RUNX2: variants seen among roughly 807,000 people sequenced by gnomAD.
The protein encoded by RUNX2 is RUNX family transcription factor 2.
A neutral mutation model predicts 51.7 loss-of-function variants in RUNX2; 10 were observed. The observed-to-expected ratio is 0.19, with a 90% CI of 0.12 to 0.33. RUNX2 has a LOEUF of 0.33. RUNX2 is among the 10% of genes least tolerant of loss of function. The pLI, the probability that RUNX2 is intolerant of heterozygous loss-of-function variation, is 1.00. For synonymous variants in RUNX2, 276 were observed against 273.6 expected (o/e 1.01, Z -0.09); for missense variants, 562 against 691.3 (o/e 0.81, Z 2.10).
chr6:45,535,803 C>T (rs930137814), intron 7 of RUNX2, among the ~76,000 whole-genome samples: 17 of 151,328 alleles, frequency 1.1e-4, no homozygotes, highest in Admixed American at 2.6e-4. Context: ...ATACTAAGGG[C>T]GGAGGGGCCA....
At chr6:45,498,414 C>T (rs1296258674) in intron 6 of RUNX2, among the ~76,000 whole-genome samples, 2 of 152,146 alleles carry the variant, frequency 1.3e-5, no homozygotes, top group African/African-American at 4.8e-5. Flanking sequence ...GGGCTTGTTG[C>T]CAACAATCTA....
rs191714440 is a variant in RUNX2 at position 45,490,325 on chromosome 6, T to C, written c.686-1616T>C. 2.6e-5 allele frequency among the ~76,000 whole-genome samples: 4 copies of C among 152,308 alleles called. No homozygotes were observed. The East Asian group carries it at 7.7e-4, about 29-fold the overall frequency. ...TTTTCCTGTTCATTTTTCTCCTAGG[T>C]CTAGTCCTTCTGTTATAGCAGATGC... is the stretch of plus-strand genomic sequence containing the variant. On this transcript the variant is annotated intron_variant, in intron 5 of 8. Coordinates refer to ENST00000647337, the MANE Select transcript of RUNX2 (RefSeq NM_001024630.4).
At chr6:45,357,982 C>T (rs911075208) in intron 2 of RUNX2, among the ~76,000 whole-genome samples, 2 of 151,856 alleles carry the variant, frequency 1.3e-5, no homozygotes, top group Non-Finnish European at 1.5e-5. Context: ...AAAAATGGAA[C>T]ATAAATGTAA....
At chr6:45,501,686 G>A (rs1055121324) in intron 6 of RUNX2, among the ~76,000 whole-genome samples, 1 of 152,192 alleles carries the variant, frequency 6.6e-6, no homozygotes, top group Non-Finnish European at 1.5e-5. Flanking sequence ...GTCCAGATAT[G>A]CAATAGACAG....
intron 2 of RUNX2, among the ~76,000 whole-genome samples, chr6:45,394,474 C>T (rs189859999): frequency 3.9e-4 from 59 of 152,288 alleles, no homozygotes; most frequent in South Asian, 8.3e-4. Context: ...TAAGTAGGGT[C>T]TGAAGCTTAC....
chr6:45,405,825 A>C (rs1021764518), intron 2 of RUNX2, among the ~76,000 whole-genome samples: 1 of 152,156 alleles, frequency 6.6e-6, no homozygotes, highest in East Asian at 1.9e-4. Flanking sequence ...TATTTAGACC[A>C]TAGAAATTGG....
At chr6:45,431,750 C>T in intron 3 of RUNX2, 113 bp from the exon 4 acceptor site, 11 of 1,233,378 alleles carry the variant, frequency 8.9e-6, no homozygotes, top group South Asian at 2.4e-5. Flanking sequence ...CATTACTGGA[C>T]TGGACTAGAA....
intron 2 of RUNX2, among the ~76,000 whole-genome samples, chr6:45,331,605 A>T (rs1413363595): frequency 6.6e-6 from 1 of 151,954 alleles, no homozygotes; most frequent in East Asian, 1.9e-4. Flanking sequence ...AATTATTTTA[A>T]ATTATAATAA....
intron 3 of RUNX2, among the ~76,000 whole-genome samples, chr6:45,431,475 C>T (rs988540257): frequency 6.6e-4 from 100 of 152,298 alleles, no homozygotes; most frequent in African/African-American, 2.3e-3. Context: ...CACCTCAGGG[C>T]TCTCCCTGAG....
At chr6:45,487,761 G>T (rs1234572821) in intron 5 of RUNX2, among the ~76,000 whole-genome samples, 1 of 152,184 alleles carries the variant, frequency 6.6e-6, no homozygotes, top group East Asian at 1.9e-4. Context: ...CCACTCTGTA[G>T]CAGGCACTGA....
At chr6:45,372,540 G>A (rs1443379960) in intron 2 of RUNX2, among the ~76,000 whole-genome samples, 2 of 152,054 alleles carry the variant, frequency 1.3e-5, no homozygotes, top group Non-Finnish European at 2.9e-5. Flanking sequence ...ATTTTTTAAT[G>A]ATTTATATTT....
intron 5 of RUNX2, among the ~76,000 whole-genome samples, chr6:45,485,669 ATGTATGTGTG>A (rs1381808771): frequency 2.5e-5 from 3 of 119,396 alleles, no homozygotes; most frequent in Admixed American, 8.9e-5. Flanking sequence ...GTGCATGGAT[ATGTATGTGTG>A]TGTGTGTGTG....
intron 7 of RUNX2, among the ~76,000 whole-genome samples, chr6:45,522,232 C>T (rs1054769194): frequency 2.0e-5 from 3 of 152,156 alleles, no homozygotes; most frequent in African/African-American, 7.2e-5. Flanking sequence ...AAGATATAGT[C>T]TCTGCCTTCA....
At chr6:45,509,730 C>T (rs1233752574) in intron 6 of RUNX2, among the ~76,000 whole-genome samples, 3 of 152,228 alleles carry the variant, frequency 2.0e-5, no homozygotes, top group Non-Finnish European at 4.4e-5. Context: ...CGCCTTTCTG[C>T]ACAAGGAGAA....
At chr6:45,471,789 A>G (rs1220619493) in intron 5 of RUNX2, among the ~76,000 whole-genome samples, 3 of 152,204 alleles carry the variant, frequency 2.0e-5, no homozygotes, top group Non-Finnish European at 2.9e-5. Context: ...GTGTCCTATT[A>G]TTCCATCAAA....
At chr6:45,470,058 GC>G (rs1282341585) in intron 5 of RUNX2, among the ~76,000 whole-genome samples, 2 of 152,146 alleles carry the variant, frequency 1.3e-5, no homozygotes, top group African/African-American at 4.8e-5. Context: ...TATTTTTTCT[GC>G]CAATCCAACT....
At chr6:45,377,661 C>A (rs1435897879) in intron 2 of RUNX2, 1 of 152,224 alleles carries the variant, frequency 6.6e-6, no homozygotes, top group Admixed American at 6.5e-5. Flanking sequence ...CAGGGCGTGG[C>A]CGGCGCGGGG....
At chr6:45,541,051 T>C (rs1262887787) in intron 7 of RUNX2, among the ~76,000 whole-genome samples, 4 of 152,252 alleles carry the variant, frequency 2.6e-5, no homozygotes, top group Admixed American at 6.5e-5. Context: ...TCAGCATTGC[T>C]CAATGCTTTT....
At chr6:45,529,808 C>T (rs897460812) in intron 7 of RUNX2, among the ~76,000 whole-genome samples, 4 of 152,132 alleles carry the variant, frequency 2.6e-5, no homozygotes, top group Non-Finnish European at 5.9e-5. Flanking sequence ...TCCCCATGAG[C>T]CAAGAGGTCT....
Sources: allele counts gnomAD v4.1 joint callset (sites outside exome capture counted in the v4.1 genomes callset), GRCh38; gene constraint gnomAD v4.1.1; transcripts MANE v1.5; gene names NCBI Gene and HGNC (gene_info 2026-07-23, HGNC 2026-07-21).